Variants in ANKRD30A observed in about 807,000 individuals in gnomAD.
ANKRD30A encodes the protein ankyrin repeat domain-containing protein 30A.
Under a neutral mutation model 166.3 loss-of-function variants are expected in ANKRD30A, and 170 were observed. The observed-to-expected ratio is 1.02, with a 90% CI of 0.90 to 1.16. The LOEUF is 1.16. Among genes scored for constraint, ANKRD30A ranks in the 50% most tolerant of loss-of-function variants. The probability of loss-of-function intolerance (pLI) is 0.00; values close to 1 mark genes in which losing one functional copy is unlikely to be tolerated. For synonymous variants in ANKRD30A, 564 were observed against 508.9 expected (o/e 1.11, Z -1.46); for missense variants, 1,630 against 1,518.0 (o/e 1.07, Z -1.23).
Position 37,165,115 on chromosome 10 carries a change from C to G in ANKRD30A, c.2024C>G (p.Ser675Cys), listed in dbSNP as rs1171948194. 6 of 1,609,474 alleles carry G rather than the reference C, an allele frequency of 3.7e-6. No homozygotes were observed. The highest frequency in any genetic ancestry group is 5.1e-6 in the Non-Finnish European group (6 of 1,176,306). The stretch of plus-strand genomic sequence containing the variant: ...ATAGATGAGATACTCCCATCAGAAT[C>G]CAAACAAAAGGACTATGAAGAAAAT... ...LRADEILPSE[S>C]KQKDYEENSW... is the part of the protein sequence containing the mutation. Residue 675 changes from serine (S) to cysteine (C), a missense_variant, in exon 18 of 36, where the codon TCC becomes TGC. Physicochemically the swap from Ser to Cys is moderately radical, Grantham distance 112. Coordinates refer to ENST00000361713, the MANE Select transcript of ANKRD30A (RefSeq NM_052997.3).
intron 6 of ANKRD30A, 125 bp from the exon 7 acceptor site, chr10:37,141,593 A>AT: frequency 8.3e-5 from 101 of 1,223,546 alleles, no homozygotes; most frequent in Middle Eastern, 2.8e-4. Flanking sequence ...AAAAAAAAAA[A>AT]GAGAAAAGAA....
chr10:37,241,881 ACTTT>A, the ANKRD30A span: 33 of 152,290 alleles, frequency 2.2e-4, no homozygotes, highest in Admixed American at 1.8e-3. Context: ...ACTACAAAGA[ACTTT>A]CTTTCTCTGA....
At chr10:37,235,765 C>CTTTTTTT (rs947216787), downstream of ANKRD30A, among the ~76,000 whole-genome samples, 6 of 114,948 alleles carry the variant, frequency 5.2e-5, no homozygotes, top group East Asian at 2.6e-4. Context: ...ATTTCATTCT[C>CTTTTTTT]TTTTTTTTTT....
intron 29 of ANKRD30A, 48 bp from the exon 30 acceptor site, chr10:37,199,679 T>C: frequency 1.6e-6 from 2 of 1,225,956 alleles, no homozygotes; most frequent in Non-Finnish European, 2.4e-6. Flanking sequence ...TTAAAATGTA[T>C]AGTAGAGAAA....
At chr10:37,247,446 G>A in the ANKRD30A span, among the ~76,000 whole-genome samples, 1 of 152,042 alleles carries the variant, frequency 6.6e-6, no homozygotes, top group South Asian at 2.1e-4. Context: ...TTTTTTTGGA[G>A]GGTGTTCTGG....
At chr10:37,225,098 A>G (rs993058231) in intron 34 of ANKRD30A, among the ~76,000 whole-genome samples, 9 of 151,162 alleles carry the variant, frequency 6.0e-5, no homozygotes, top group Non-Finnish European at 1.3e-4. Context: ...TTCAAAAACC[A>G]TGATTACTTC....
In ANKRD30A at chr10:37,216,293, G is replaced by T; in HGVS notation, c.2982G>T (p.Lys994Asn). ...CAGGAAAAATGGAACAAATGAAAAA[G>T]AAGTTTTGTGTACTGAAAAAGAAAC... is the stretch of plus-strand genomic sequence containing the variant. ...QRTGKMEQMK[K>N]KFCVLKKKLS... The change falls in exon 32 of 36, where the codon AAG becomes AAT. Residue 994 changes from lysine to asparagine, a missense_variant. Coordinates refer to ENST00000361713, the MANE Select transcript of ANKRD30A (RefSeq NM_052997.3). The T allele has an allele frequency of 1.2e-6, 2 of 1,608,796 alleles. No individual in the cohort carries two copies. Among genetic ancestry groups the T allele is most frequent in the Non-Finnish European group, 8.5e-7 (1 of 1,176,538 alleles).
At chr10:37,238,107 G>T in the ANKRD30A span, among the ~76,000 whole-genome samples, 1 of 152,058 alleles carries the variant, frequency 6.6e-6, no homozygotes, top group Non-Finnish European at 1.5e-5. Context: ...TAAGCTTCTG[G>T]ATGCCCTCAT....
intron 34 of ANKRD30A, among the ~76,000 whole-genome samples, chr10:37,222,850 A>G (rs1373522209): frequency 6.6e-6 from 1 of 151,366 alleles, no homozygotes; most frequent in Non-Finnish European, 1.5e-5. Flanking sequence ...TTATTTTTTC[A>G]TGAGACATAA....
intron 30 of ANKRD30A, 35 bp from the exon 31 acceptor site, chr10:37,201,200 C>T: frequency 1.4e-6 from 2 of 1,419,198 alleles, no homozygotes; most frequent in African/African-American, 1.5e-5. Flanking sequence ...TAGGATTTTT[C>T]CATTGAAATT....
At chr10:37,194,684 TA>T (rs1393268304) in intron 27 of ANKRD30A, among the ~76,000 whole-genome samples, 1 of 152,164 alleles carries the variant, frequency 6.6e-6, no homozygotes, top group Non-Finnish European at 1.5e-5. Flanking sequence ...ACACTGTACG[TA>T]TTGTCCTGGA....
At chr10:37,151,988 A>G (rs1837973130) in intron 11 of ANKRD30A, 72 bp from the exon 12 acceptor site, 1 of 1,360,088 alleles carries the variant, frequency 7.4e-7, no homozygotes, top group Non-Finnish European at 1.0e-6. Context: ...ATGAAAGTAG[A>G]TTTGTATATG....
chr10:37,217,953 T>G, intron 33 of ANKRD30A, 75 bp downstream of exon 33: 2 of 1,092,360 alleles, frequency 1.8e-6, no homozygotes, highest in Non-Finnish European at 1.3e-6. Context: ...TCCCTTTGAT[T>G]TAGTATGTAT....
chr10:37,195,390 T>C (rs1233132804), intron 27 of ANKRD30A, among the ~76,000 whole-genome samples: 1 of 152,132 alleles, frequency 6.6e-6, no homozygotes, highest in Non-Finnish European at 1.5e-5. Context: ...TCTGTTTACA[T>C]GGGAAGAAGT....
intron 8 of ANKRD30A, among the ~76,000 whole-genome samples, chr10:37,146,693 A>G (rs1837535337): frequency 6.6e-6 from 1 of 152,200 alleles, no homozygotes; most frequent in Non-Finnish European, 1.5e-5. Context: ...GCTTGAGTCA[A>G]TACCCTTAGA....
Position 37,152,168 on chromosome 10 carries a change from T to C in ANKRD30A, c.1707+47T>C, listed in dbSNP as rs190082898. ...TTTTTAATATTAGTATTGCATGATA[T>C]GAAAACATAAAGGCAGAGGCTTAGG... is the stretch of plus-strand genomic sequence containing the variant. On this transcript the variant is annotated intron_variant, in intron 12 of 35. Coordinates refer to ENST00000361713, the MANE Select transcript of ANKRD30A (RefSeq NM_052997.3). The C allele has an allele frequency of 4.4e-3, 6,377 of 1,459,614 alleles. 30 individuals are homozygous for C. Among genetic ancestry groups the C allele is most frequent in the South Asian group, 0.014 (1,197 of 83,620 alleles). 90.4% of individuals were successfully genotyped at this position (1,459,614 alleles called of 1,614,324 possible).
the ANKRD30A span, among the ~76,000 whole-genome samples, chr10:37,260,676 G>A: frequency 6.6e-6 from 1 of 152,140 alleles, no homozygotes; most frequent in South Asian, 2.1e-4. Flanking sequence ...TCTTCAACAA[G>A]CAAATGGGAA....
At chr10:37,253,408 T>A in the ANKRD30A span, among the ~76,000 whole-genome samples, 1 of 152,206 alleles carries the variant, frequency 6.6e-6, no homozygotes, top group African/African-American at 2.4e-5. Context: ...AACATATTCA[T>A]AGAATTGTAC....
chr10:37,220,016 T>TATATA (rs1842822180), intron 34 of ANKRD30A, 119 bp downstream of exon 34: 1 of 165,484 alleles, frequency 6.0e-6, no homozygotes, highest in African/African-American at 2.7e-5. Flanking sequence ...TATATATATA[T>TATATA]ATATATATAT....
Sources: gnomAD v4.1 joint callset for allele counts (sites outside exome capture counted in the v4.1 genomes callset) on GRCh38, gnomAD v4.1.1 for gene constraint, MANE v1.5 for transcripts, NCBI Gene and HGNC (gene_info 2026-07-23, HGNC 2026-07-21) for gene names.